Variants in RAP1GAP2 observed in about 807,000 individuals in gnomAD.
RAP1GAP2 encodes RAP1 GTPase activating protein 2.
In RAP1GAP2, 27 loss-of-function variants were observed where a neutral mutation model predicts 95.0. That is an observed-to-expected ratio of 0.28 (90% CI 0.21 to 0.39). The LOEUF (loss-of-function observed/expected upper bound fraction) is 0.39. Among genes scored for constraint, RAP1GAP2 ranks in the 10% least tolerant of loss-of-function variants. RAP1GAP2 has a pLI of 1.00. For synonymous variants in RAP1GAP2, 373 were observed against 380.9 expected, an observed-to-expected ratio of 0.98 and a Z score of 0.24; for missense variants, 771 against 970.0, an observed-to-expected ratio of 0.79 and a Z score of 2.72.
At chr17:2,885,828 C>T (rs569244145) in intron 2 of RAP1GAP2, among the ~76,000 whole-genome samples, 1 of 152,260 alleles carries the variant, frequency 6.6e-6, no homozygotes, top group Non-Finnish European at 1.5e-5. Flanking sequence ...CCTCATGCCT[C>T]CTGGGGAGAA....
chr17:2,886,228 A>G (rs527324765), intron 2 of RAP1GAP2, among the ~76,000 whole-genome samples: 1 of 143,314 alleles, frequency 7.0e-6, no homozygotes, highest in Non-Finnish European at 1.5e-5. Context: ...GCTGGAGTGC[A>G]GTGGTGCGAT....
At chr17:2,779,662 A>AGGAG (rs769960475) in intron 1 of RAP1GAP2, among the ~76,000 whole-genome samples, 1 of 151,978 alleles carries the variant, frequency 6.6e-6, no homozygotes, top group Non-Finnish European at 1.5e-5. Context: ...GCGAGGGGAG[A>AGGAG]GGACAGCTCA....
intron 1 of RAP1GAP2, among the ~76,000 whole-genome samples, chr17:2,786,333 G>T (rs914320558): frequency 6.6e-6 from 1 of 152,250 alleles, no homozygotes; most frequent in African/African-American, 2.4e-5. Context: ...CTTATCTTTT[G>T]CAGGAGGAGG....
chr17:2,797,730 G>T lies in RAP1GAP2; in HGVS notation c.44+1159G>T, dbSNP rs2065208113. ...GAGAAGATGGCACAGCGTCGCCTGT[G>T]TCTGCTCTCGGGCCCTCCCTGACGC... On this transcript the variant is annotated intron_variant, in intron 1 of 24. Transcript: ENST00000254695. This position sits in a 1 kb window ranked among gnomAD's most constrained non-coding sequence, Gnocchi z 5.6. 1 of 985,306 alleles carries T rather than the reference G, an allele frequency of 1.0e-6. No individual in the cohort carries two copies. Among genetic ancestry groups the T allele is most frequent in the Non-Finnish European group, 1.2e-6 (1 of 829,936 alleles). The allele number at this position is 985,306 out of a possible 1,614,324, so 61.0% of individuals were successfully genotyped here. A position where few individuals can be genotyped will look rare whatever the true frequency, so the allele number is the denominator to read the frequency against.
At chr17:2,908,102 G>A (rs1234012063) in intron 3 of RAP1GAP2, among the ~76,000 whole-genome samples, 1 of 152,136 alleles carries the variant, frequency 6.6e-6, no homozygotes. Flanking sequence ...ACCACGCCTG[G>A]CCCAGAGTCA....
intron 2 of RAP1GAP2, among the ~76,000 whole-genome samples, chr17:2,893,838 G>A (rs1207125716): frequency 2.6e-5 from 4 of 152,198 alleles, no homozygotes; most frequent in African/African-American, 9.6e-5. Flanking sequence ...ACCTGGCTTG[G>A]TGATTTCTTC....
rs34473053 is a variant in RAP1GAP2 at position 2,842,529 on chromosome 17, CAAAAA to C, written c.80+41998_80+42002del. 1.9e-4 allele frequency among the ~76,000 whole-genome samples: 15 copies of C among 78,064 alleles called. No homozygotes were observed. In the South Asian group the frequency reaches 2.1e-3, roughly 11 times the overall value. 51.2% of individuals were successfully genotyped at this position (78,064 alleles called of 152,430 possible). The stretch of plus-strand genomic sequence containing the variant: ...TGGGTGACAGAGCGAGATTCCGTCT[CAAAAA>C]AAAAAAAAAAAAAAAAAATACCACT... On this transcript the variant is annotated intron_variant, in intron 2 of 24. Transcript: ENST00000254695.
chr17:2,903,593 C>A lies in RAP1GAP2; in HGVS notation c.81-1691C>A, dbSNP rs1259329411. On this transcript the variant is annotated intron_variant, in intron 2 of 24. Coordinates refer to ENST00000254695, the MANE Select transcript of RAP1GAP2 (RefSeq NM_015085.5). The surrounding 1 kb of genome is among the most constrained non-coding windows in gnomAD (Gnocchi z 4.1). ...AGGCGGGAGAGTCCCCCCTCTCCAGCCATCAAAACTTACATCAACAAGGTC... is the reference window on the plus strand; with the variant it reads ...AGGCGGGAGAGTCCCCCCTCTCCAGACATCAAAACTTACATCAACAAGGTC... Among the ~76,000 whole-genome samples the A allele has an allele frequency of 6.6e-6, 1 of 152,132 alleles. No individual in the cohort carries two copies. The highest frequency in any genetic ancestry group is 2.4e-5 in the African/African-American group (1 of 41,418).
In RAP1GAP2 at chr17:2,856,470, G is replaced by T. The variant is rs570594331; in HGVS notation, c.81-48814G>T. ...AAAGTGCTGCATAAAGGTAACGGGG[G>T]TTTGATCGGAACTGTTCCCCCTCTT... is the stretch of plus-strand genomic sequence containing the variant. On this transcript the variant is annotated intron_variant, in intron 2 of 24. Transcript: ENST00000254695. 5.3e-5 allele frequency among the ~76,000 whole-genome samples: 8 copies of T among 152,332 alleles called. No homozygotes were observed. The East Asian group carries it at 1.4e-3, about 26-fold the overall frequency.
intron 17 of RAP1GAP2, among the ~76,000 whole-genome samples, chr17:3,017,728 A>G (rs11869953): frequency 0.056 from 8,472 of 152,166 alleles, 326 homozygotes; most frequent in Non-Finnish European, 0.079. Context: ...GCGAGCTCCA[A>G]GCCTCATTTT....
intron 12 of RAP1GAP2, among the ~76,000 whole-genome samples, chr17:2,992,418 C>G (rs2045794936): frequency 6.6e-6 from 1 of 152,106 alleles, no homozygotes. Flanking sequence ...TCTGGGCCTC[C>G]CAAAGTGCTG....
At chr17:2,800,342 A>G (rs2069231311) in intron 1 of RAP1GAP2, 173 bp from the exon 2 acceptor site, 1 of 762,046 alleles carries the variant, frequency 1.3e-6, no homozygotes, top group Non-Finnish European at 1.6e-6. Flanking sequence ...CAGCTCTCCC[A>G]GCACTCAGAG....
At chr17:2,809,426 G>T (rs2069662218) in intron 2 of RAP1GAP2, among the ~76,000 whole-genome samples, 1 of 152,186 alleles carries the variant, frequency 6.6e-6, no homozygotes. Context: ...GAGTGTGAGG[G>T]TATGGGCAAG....
intron 2 of RAP1GAP2, among the ~76,000 whole-genome samples, chr17:2,819,795 CTT>C (rs539808008): frequency 3.9e-4 from 54 of 138,086 alleles, no homozygotes; most frequent in Non-Finnish European, 3.8e-4. Flanking sequence ...TCTCTTTCTC[CTT>C]TTTTTTTTTT....
intron 2 of RAP1GAP2, among the ~76,000 whole-genome samples, chr17:2,830,482 G>C (rs908369334): frequency 2.6e-5 from 4 of 152,028 alleles, no homozygotes; most frequent in Non-Finnish European, 5.9e-5. Flanking sequence ...TTGGGAGGCC[G>C]AGGCGGGCAG....
intron 1 of RAP1GAP2, among the ~76,000 whole-genome samples, chr17:2,798,628 G>T (rs1358097226): frequency 2.1e-5 from 3 of 144,038 alleles, no homozygotes; most frequent in Non-Finnish European, 4.6e-5. Context: ...CTGGCACCAG[G>T]GGCAGACAAG....
intron 19 of RAP1GAP2, 143 bp from the exon 20 acceptor site, chr17:3,025,865 G>A (rs1344161335): frequency 1.1e-5 from 7 of 641,144 alleles, no homozygotes; most frequent in Non-Finnish European, 1.7e-5. Flanking sequence ...GGTGGGAAAG[G>A]ACATCCAGGC....
chr17:2,873,731 TAATGCTACTG>T (rs1280129778), intron 2 of RAP1GAP2, among the ~76,000 whole-genome samples: 1 of 152,068 alleles, frequency 6.6e-6, no homozygotes, highest in African/African-American at 2.4e-5. Flanking sequence ...TGAATGTACT[TAATGCTACTG>T]AATTGTATAC....
chr17:2,994,266 A>C (rs2045879744), intron 12 of RAP1GAP2, among the ~76,000 whole-genome samples: 1 of 152,092 alleles, frequency 6.6e-6, no homozygotes, highest in African/African-American at 2.4e-5. Flanking sequence ...GCCTGGGCAC[A>C]TTTTCTGGCT....
Sources: gnomAD v4.1 joint callset for allele counts (sites outside exome capture counted in the v4.1 genomes callset) on GRCh38, gnomAD v4.1.1 for gene constraint, Gnocchi (gnomAD v3.1) non-coding constraint, MANE v1.5 for transcripts, NCBI Gene and HGNC (gene_info 2026-07-23, HGNC 2026-07-21) for gene names.